SCAI: variants seen among roughly 807,000 people sequenced by gnomAD.
SCAI encodes the protein protein SCAI.
SCAI carries 24 observed loss-of-function variants against 92.2 expected under a neutral mutation model. The observed-to-expected ratio is 0.26, with a 90% confidence interval of 0.19 to 0.37. The LOEUF is 0.37. Among genes scored for constraint, SCAI ranks in the 10% least tolerant of loss-of-function variants. SCAI has a pLI of 1.00. For synonymous variants in SCAI, 261 were observed against 258.6 expected (o/e 1.01, Z -0.09); for missense variants, 450 against 736.2 (o/e 0.61, Z 4.50).
chr9:125,035,950 G>A (rs902301798), intron 3 of SCAI, among the ~76,000 whole-genome samples: 3 of 152,170 alleles, frequency 2.0e-5, no homozygotes, highest in African/African-American at 7.2e-5. Flanking sequence ...TGCCTACAGA[G>A]TAGCCATTCT....
chr9:125,129,454 CTTTTTTT>C (rs1171739834), intron 2 of SCAI, among the ~76,000 whole-genome samples: 36 of 67,570 alleles, frequency 5.3e-4, no homozygotes, highest in African/African-American at 7.3e-4. Context: ...ATTAGAATTT[CTTTTTTT>C]TTTTTTTTTT....
In SCAI at chr9:125,115,370, C is replaced by CAAAA. The variant is rs58814200; in HGVS notation, c.98+27259_98+27262dup. ...CTGGGTGACAGAGCGAGACTCTCCT[C>CAAAA]AAAAAAAAAAAAAAAAAAAAAAAAC... On this transcript the variant is annotated intron_variant, in intron 2 of 17. Coordinates refer to ENST00000336505, the MANE Select transcript of SCAI (RefSeq NM_001144877.3). Among the ~76,000 whole-genome samples, 320 of 52,352 alleles carry CAAAA rather than the reference C, an allele frequency of 6.1e-3. 13 individuals are homozygous for CAAAA. Among genetic ancestry groups the CAAAA allele is most frequent in the African/African-American group, 0.021 (271 of 13,188 alleles). 34.3% of individuals were successfully genotyped at this position (52,352 alleles called of 152,430 possible).
intron 17 of SCAI, among the ~76,000 whole-genome samples, chr9:124,955,550 G>A (rs1014750729): frequency 6.6e-6 from 1 of 152,050 alleles, no homozygotes; most frequent in Admixed American, 6.6e-5. Context: ...GAACCCGGGA[G>A]GCAGAGGTTG....
chr9:125,007,540 T>C (rs1423732617), intron 9 of SCAI, among the ~76,000 whole-genome samples: 5 of 152,054 alleles, frequency 3.3e-5, no homozygotes, highest in African/African-American at 1.2e-4. Context: ...CATAAACATT[T>C]TTGGAAGGCT....
At chr9:125,138,528 C>G (rs907081750) in intron 2 of SCAI, among the ~76,000 whole-genome samples, 1 of 152,140 alleles carries the variant, frequency 6.6e-6, no homozygotes, top group African/African-American at 2.4e-5. Context: ...CATTCTCCTG[C>G]CTCAGCCTCC....
chr9:125,117,665 CAAAAAAAAA>C (rs372964615), intron 2 of SCAI, among the ~76,000 whole-genome samples: 1 of 45,252 alleles, frequency 2.2e-5, no homozygotes, highest in East Asian at 7.7e-4. Context: ...GACTCCATCT[CAAAAAAAAA>C]AAAAAAAAAA....
At chr9:125,036,056 G>A (rs746534707) in intron 3 of SCAI, among the ~76,000 whole-genome samples, 1 of 152,068 alleles carries the variant, frequency 6.6e-6, no homozygotes, top group Non-Finnish European at 1.5e-5. Flanking sequence ...GGGCTGAGGC[G>A]GGATGACTGC....
chr9:125,046,317 A>AT (rs1491357561), intron 3 of SCAI, among the ~76,000 whole-genome samples: 223 of 6,430 alleles, frequency 0.035, 6 homozygotes, highest in African/African-American at 0.048. Flanking sequence ...ATATATATAT[A>AT]CACACACACA....
intron 14 of SCAI, among the ~76,000 whole-genome samples, chr9:124,984,436 C>T (rs1051269063): frequency 1.3e-5 from 2 of 152,184 alleles, no homozygotes; most frequent in Non-Finnish European, 2.9e-5. Flanking sequence ...GAGGAAGACT[C>T]ATTAGAAGGC....
intron 9 of SCAI, among the ~76,000 whole-genome samples, chr9:125,015,816 G>A (rs1316298494): frequency 6.6e-6 from 1 of 152,080 alleles, no homozygotes; most frequent in East Asian, 1.9e-4. Flanking sequence ...TTAAGAAAAT[G>A]TGGCACATAT....
chr9:125,009,920 G>A (rs1253252990), intron 9 of SCAI, among the ~76,000 whole-genome samples: 1 of 151,628 alleles, frequency 6.6e-6, no homozygotes, highest in Non-Finnish European at 1.5e-5. Flanking sequence ...CAGTTGGCCA[G>A]GCGAGGAGGC....
chr9:125,058,819 TGTG>T (rs1833720849), intron 2 of SCAI, among the ~76,000 whole-genome samples: 1 of 152,124 alleles, frequency 6.6e-6, no homozygotes, highest in African/African-American at 2.4e-5. Flanking sequence ...TGGAATATCT[TGTG>T]GTAGTAAGCA....
intron 3 of SCAI, among the ~76,000 whole-genome samples, chr9:125,051,683 A>C (rs943876325): frequency 1.3e-5 from 2 of 152,256 alleles, no homozygotes; most frequent in African/African-American, 4.8e-5. Context: ...AAAAAGAAAA[A>C]ATGAAAAATA....
At chr9:125,125,906 A>G (rs1291326844) in intron 2 of SCAI, among the ~76,000 whole-genome samples, 1 of 102,168 alleles carries the variant, frequency 9.8e-6, no homozygotes, top group African/African-American at 3.9e-5. Context: ...GCGTGCGTAC[A>G]CGTACACACA....
intron 3 of SCAI, among the ~76,000 whole-genome samples, chr9:125,033,164 G>C (rs1833118138): frequency 6.6e-6 from 1 of 151,676 alleles, no homozygotes; most frequent in African/African-American, 2.4e-5. Context: ...AGGGGTTTAA[G>C]TTCAGCCTGG....
rs1018515342 is a variant in SCAI, at chr9:124,954,289, T to C, written c.1675-1336A>G. ...ATTTTTATATCATTCCATCTAGTAA[T>C]AGCAGAATACACTGAATTCTTTTCA... is the stretch of plus-strand genomic sequence containing the variant. On this transcript the variant is annotated intron_variant, in intron 17 of 17. Transcript: ENST00000336505. Among the ~76,000 whole-genome samples, 7 of 152,246 alleles carry C rather than the reference T, an allele frequency of 4.6e-5. No individual in the cohort carries two copies. In the East Asian group the frequency reaches 1.2e-3, roughly 25 times the overall value.
intron 12 of SCAI, among the ~76,000 whole-genome samples, chr9:125,001,080 A>G (rs556128755): frequency 6.2e-4 from 94 of 152,362 alleles, no homozygotes; most frequent in African/African-American, 2.2e-3. Context: ...ATTATTACAA[A>G]AAACTAAAGT....
chr9:124,961,236 T>C (rs974477747), intron 17 of SCAI, among the ~76,000 whole-genome samples: 1 of 149,598 alleles, frequency 6.7e-6, no homozygotes, highest in African/African-American at 2.5e-5. Context: ...AAGTTCAAGA[T>C]CAGCCTAGGC....
At chr9:125,098,848 G>A (rs1202962380) in intron 2 of SCAI, among the ~76,000 whole-genome samples, 2 of 152,092 alleles carry the variant, frequency 1.3e-5, no homozygotes, top group Admixed American at 6.5e-5. Context: ...TGTTGTTTTA[G>A]CCGAAGTCAG....
Sources: allele counts gnomAD v4.1 joint callset (sites outside exome capture counted in the v4.1 genomes callset), GRCh38; gene constraint gnomAD v4.1.1; transcripts MANE v1.5; gene names NCBI Gene and HGNC (gene_info 2026-07-23, HGNC 2026-07-21).